Variants in LHFPL5 observed in about 807,000 individuals in gnomAD.
LHFPL5 encodes the protein LHFPL tetraspan subfamily member 5 protein.
In LHFPL5, 12 loss-of-function variants were observed where a neutral mutation model predicts 18.7. The observed-to-expected ratio is 0.64, with a 90% confidence interval of 0.41 to 1.04. The LOEUF (loss-of-function observed/expected upper bound fraction) is 1.04. Ranked by LOEUF, LHFPL5 falls within the 50% of genes least tolerant of loss-of-function variation. LHFPL5 has a pLI of 0.00. For synonymous variants in LHFPL5, 111 were observed against 120.2 expected, an observed-to-expected ratio of 0.92 and a Z score of 0.50; for missense variants, 259 against 292.1, an observed-to-expected ratio of 0.89 and a Z score of 0.83.
chr6:35,805,555 T>C lies in LHFPL5; in HGVS notation c.-116T>C. 2 of 1,056,298 alleles carry C rather than the reference T, an allele frequency of 1.9e-6. No individual in the cohort carries two copies. The highest frequency in any genetic ancestry group is 2.5e-5 in the East Asian group (1 of 40,294). 65.4% of individuals were successfully genotyped at this position (1,056,298 alleles called of 1,614,324 possible). ...CTTGAAGGGACCTCACCTGGTGCCC[T>C]GACCTCAGCCTCCTCCCCAAACCCC... On this transcript the variant is annotated 5_prime_UTR_variant, in exon 1 of 4. Transcript: ENST00000360215. This position sits in a 1 kb window ranked among gnomAD's most constrained non-coding sequence, Gnocchi z 4.3.
intron 1 of LHFPL5, among the ~76,000 whole-genome samples, chr6:35,810,067 A>G (rs1768637877): frequency 6.6e-6 from 1 of 152,226 alleles, no homozygotes; most frequent in African/African-American, 2.4e-5. Context: ...TACTCACTCT[A>G]CAGTGCTAAA....
At chr6:35,818,740 T>G (rs1254569411) in intron 2 of LHFPL5, among the ~76,000 whole-genome samples, 2 of 148,134 alleles carry the variant, frequency 1.4e-5, no homozygotes, top group Non-Finnish European at 3.0e-5. Context: ...ACATTGCAAG[T>G]GATTAATAAA....
At chr6:35,808,210 G>C (rs1768602630) in intron 1 of LHFPL5, among the ~76,000 whole-genome samples, 1 of 151,552 alleles carries the variant, frequency 6.6e-6, no homozygotes, top group Non-Finnish European at 1.5e-5. Context: ...TAGCACTTTG[G>C]GAGGCCAAGG....
chr6:35,820,614 G>C (rs1436023606), intron 3 of LHFPL5, among the ~76,000 whole-genome samples: 2 of 151,776 alleles, frequency 1.3e-5, no homozygotes, highest in Non-Finnish European at 2.9e-5. Context: ...GCAGGAGAAT[G>C]GTGTGAACCC....
chr6:35,814,232 G>C lies in LHFPL5; in HGVS notation c.413-314G>C, dbSNP rs141334486. Reference sequence around the variant, plus strand: ...GCCAGGGTAGGTGGTGCCTGGTTGAGTCCAAGGTGAGGAGAATGGCTGAAG... The same window carrying C: ...GCCAGGGTAGGTGGTGCCTGGTTGACTCCAAGGTGAGGAGAATGGCTGAAG... On this transcript the variant is annotated intron_variant, in intron 1 of 3. Transcript: ENST00000360215. The surrounding 1 kb of genome is among the most constrained non-coding windows in gnomAD (Gnocchi z 4.2). 2.9e-3 allele frequency among the ~76,000 whole-genome samples: 437 copies of C among 152,304 alleles called. 2 individuals carry two copies. The highest frequency in any genetic ancestry group is 9.6e-3 in the African/African-American group (398 of 41,572).
At chr6:35,810,537 A>T (rs773561203) in intron 1 of LHFPL5, among the ~76,000 whole-genome samples, 20 of 152,226 alleles carry the variant, frequency 1.3e-4, no homozygotes, top group Non-Finnish European at 1.0e-4. Flanking sequence ...TAACACAGTG[A>T]CACCCCGTGT....
intron 2 of LHFPL5, among the ~76,000 whole-genome samples, chr6:35,818,670 T>A (rs1054599672): frequency 8.3e-5 from 12 of 144,802 alleles, no homozygotes; most frequent in Admixed American, 2.1e-4. Context: ...TTATATTAAT[T>A]AAAAAAAAAA....
At chr6:35,822,191 T>G (rs370782244) in intron 3 of LHFPL5, among the ~76,000 whole-genome samples, 1 of 151,958 alleles carries the variant, frequency 6.6e-6, no homozygotes, top group South Asian at 2.1e-4. Flanking sequence ...GCCTGCCTGG[T>G]GTACCATTTT....
At chr6:35,808,357 T>A (rs1427985155) in intron 1 of LHFPL5, among the ~76,000 whole-genome samples, 5 of 145,244 alleles carry the variant, frequency 3.4e-5, no homozygotes, top group Non-Finnish European at 7.5e-5. Context: ...TAAATAAAAA[T>A]AATAATAAGG....
intron 2 of LHFPL5, among the ~76,000 whole-genome samples, chr6:35,815,864 C>T (rs1051174962): frequency 2.0e-5 from 3 of 152,050 alleles, no homozygotes; most frequent in African/African-American, 7.2e-5. Flanking sequence ...GGATAACCAC[C>T]TGTTATGTGG....
At chr6:35,819,524 C>G in intron 3 of LHFPL5, 61 bp downstream of exon 3, 1 of 1,477,508 alleles carries the variant, frequency 6.8e-7, no homozygotes, top group South Asian at 1.2e-5. Context: ...CTCTCTGCTT[C>G]CTTACTGAAT....
Position 35,822,115 on chromosome 6 carries a change from C to T in LHFPL5, c.*17-867C>T, listed in dbSNP as rs895993457. ...TGTTGTCCAGGATGTTCTCGAACTC[C>T]TGGGTTCAAGTCATCCTCCTGCCTT... On this transcript the variant is annotated intron_variant, in intron 3 of 3. Coordinates refer to ENST00000360215, the MANE Select transcript of LHFPL5 (RefSeq NM_182548.4). Among the ~76,000 whole-genome samples the T allele has an allele frequency of 4.6e-5, 7 of 152,030 alleles. 1 individual carries two copies. The highest frequency in any genetic ancestry group is 4.6e-4 in the Admixed American group (7 of 15,232).
At chr6:35,818,272 T>G (rs917686085) in intron 2 of LHFPL5, among the ~76,000 whole-genome samples, 1 of 151,350 alleles carries the variant, frequency 6.6e-6, no homozygotes, top group Non-Finnish European at 1.5e-5. Context: ...TGAAAATGTT[T>G]TAGAATTAGT....
chr6:35,818,700 T>C (rs975298396), intron 2 of LHFPL5, among the ~76,000 whole-genome samples: 3 of 151,160 alleles, frequency 2.0e-5, no homozygotes, highest in Non-Finnish European at 4.4e-5. Flanking sequence ...GAGGATCTCA[T>C]AGCATATATA....
Position 35,814,452 on chromosome 6 carries a change from G to A in LHFPL5, c.413-94G>A. On this transcript the variant is annotated intron_variant, in intron 1 of 3. Transcript: ENST00000360215. The surrounding 1 kb of genome is among the most constrained non-coding windows in gnomAD (Gnocchi z 4.2). ...CCTGAGGCTGTTAACAGAAGGAGAAGGGAGGTGACAACATAACAGCAGTGC... is the reference window on the plus strand; with the variant it reads ...CCTGAGGCTGTTAACAGAAGGAGAAAGGAGGTGACAACATAACAGCAGTGC... 1 of 969,164 alleles carries A rather than the reference G, an allele frequency of 1.0e-6. No individual in the cohort carries two copies. Among genetic ancestry groups the A allele is most frequent in the Non-Finnish European group, 1.7e-6 (1 of 593,584 alleles). The allele number at this position is 969,164 out of a possible 1,614,324, so 60.0% of individuals were successfully genotyped here.
intron 2 of LHFPL5, among the ~76,000 whole-genome samples, chr6:35,818,351 A>ATATATATATATATATATT: frequency 9.4e-6 from 1 of 106,916 alleles, no homozygotes; most frequent in African/African-American, 3.8e-5. Flanking sequence ...ATATATATGT[A>ATATATATATATATATATT]TTTTTTTTTT....
chr6:35,815,525 C>A (rs1395184321), intron 2 of LHFPL5, among the ~76,000 whole-genome samples: 1 of 152,116 alleles, frequency 6.6e-6, no homozygotes, highest in Admixed American at 6.5e-5. Context: ...TGTCTTGCAC[C>A]CCTGTGAATC....
intron 1 of LHFPL5, among the ~76,000 whole-genome samples, chr6:35,806,453 C>A (rs919887113): frequency 3.3e-5 from 5 of 152,160 alleles, no homozygotes; most frequent in African/African-American, 9.7e-5. Flanking sequence ...AAGAAGGAAG[C>A]TTCCATTGTT....
Position 35,814,520 on chromosome 6 carries a change from C to T in LHFPL5, c.413-26C>T, listed in dbSNP as rs375762967. The T allele has an allele frequency of 1.9e-6, 3 of 1,561,134 alleles. No homozygotes were observed. In the African/African-American group the frequency reaches 4.1e-5, roughly 21 times the overall value. On this transcript the variant is annotated intron_variant, in intron 1 of 3. Coordinates refer to ENST00000360215, the MANE Select transcript of LHFPL5 (RefSeq NM_182548.4). The surrounding 1 kb of genome is among the most constrained non-coding windows in gnomAD (Gnocchi z 4.2). ...GGGCTAGGCACACTCGGCCTGATGC[C>T]ATGTGCACCCCTCCTTCCCCCTCAG...
Sources: gnomAD v4.1 joint callset for allele counts (sites outside exome capture counted in the v4.1 genomes callset) on GRCh38, gnomAD v4.1.1 for gene constraint, Gnocchi (gnomAD v3.1) non-coding constraint, MANE v1.5 for transcripts, NCBI Gene and HGNC (gene_info 2026-07-23, HGNC 2026-07-21) for gene names.